Variants in LAMA1 observed in about 807,000 individuals in gnomAD.
The protein encoded by LAMA1 is laminin subunit alpha-1.
Under a neutral mutation model 348.7 loss-of-function variants are expected in LAMA1, and 219 were observed. That is an observed-to-expected ratio of 0.63 (90% confidence interval 0.56 to 0.70). The LOEUF is 0.70. Among genes scored for constraint, LAMA1 ranks in the 30% least tolerant of loss-of-function variants. The pLI is 0.00. For synonymous variants in LAMA1, 1,487 were observed against 1,491.0 expected, an observed-to-expected ratio of 1.00 and a Z score of 0.06; for missense variants, 3,744 against 3,888.0, an observed-to-expected ratio of 0.96 and a Z score of 0.99.
chr18:6,966,338 G>A, intron 48 of LAMA1, 41 bp from the exon 49 acceptor site: 1 of 1,590,366 alleles, frequency 6.3e-7, no homozygotes, highest in Non-Finnish European at 8.6e-7. Context: ...ATTCTCAGGA[G>A]GGTAGAAAGA....
intron 3 of LAMA1, among the ~76,000 whole-genome samples, chr18:7,055,856 C>T (rs979156137): frequency 1.7e-4 from 26 of 151,608 alleles, no homozygotes; most frequent in African/African-American, 5.8e-4. Flanking sequence ...CCGAGGCGGG[C>T]GGATCACGAG....
rs369870850 is a variant in LAMA1 at position 7,017,229 on chromosome 18, A to G, written c.2808+49T>C. The stretch of plus-strand genomic sequence containing the variant: ...TAGCTCCTTCTGAGTCATGGATTCA[A>G]TCGCCTCTGTACCAAGGCTAAGGTG... On this transcript the variant is annotated intron_variant, in intron 20 of 62. Coordinates refer to ENST00000389658, the MANE Select transcript of LAMA1 (RefSeq NM_005559.4). The G allele has an allele frequency of 1.3e-5, 18 of 1,437,610 alleles. No homozygotes were observed. In the African/African-American group the frequency reaches 1.8e-4, roughly 15 times the overall value. The allele number at this position is 1,437,610 out of a possible 1,614,324, so 89.1% of individuals were successfully genotyped here. A position where few individuals can be genotyped will look rare whatever the true frequency, so the allele number is the denominator to read the frequency against.
rs1369834005 is a variant in LAMA1 at position 7,009,247 on chromosome 18, C to T, written c.3993G>A (p.Gln1331=). The T allele has an allele frequency of 1.8e-5, 29 of 1,614,086 alleles. No individual in the cohort carries two copies. The highest frequency in any genetic ancestry group is 2.4e-5 in the Non-Finnish European group (28 of 1,179,984). ...CTAGAAGCTCCAAGTACCTGCTCTG[C>T]TGTAATCCTTGACCATACGATGCCT... ...LIKASYGQGL[Q]QSRISDISME... Residue 1331 remains glutamine, a synonymous_variant, in exon 27 of 63, where the codon CAG becomes CAA. Coordinates refer to ENST00000389658, the MANE Select transcript of LAMA1 (RefSeq NM_005559.4).
intron 35 of LAMA1, 121 bp downstream of exon 35, chr18:6,993,519 AG>A (rs2057767369): frequency 1.3e-6 from 1 of 790,858 alleles, no homozygotes; most frequent in East Asian, 2.5e-5. Context: ...AAACTATTCC[AG>A]CCCCTCTGGT....
At chr18:7,035,556 G>C (rs2057990776) in intron 13 of LAMA1, among the ~76,000 whole-genome samples, 1 of 151,994 alleles carries the variant, frequency 6.6e-6, no homozygotes, top group Admixed American at 6.6e-5. Context: ...CCGAGTACCT[G>C]GGATTACAGG....
chr18:7,040,281 G>T, intron 9 of LAMA1, 45 bp from the exon 10 acceptor site: 5 of 1,606,158 alleles, frequency 3.1e-6, no homozygotes, highest in Non-Finnish European at 4.3e-6. Flanking sequence ...AGGCAAAAGA[G>T]GTTTAAAGCA....
intron 16 of LAMA1, among the ~76,000 whole-genome samples, chr18:7,026,865 C>T (rs568979837): frequency 5.9e-4 from 89 of 151,728 alleles, no homozygotes; most frequent in African/African-American, 2.1e-3. Flanking sequence ...GGCTTGGTGG[C>T]GGGCGCCTGT....
At chr18:7,031,104 G>A (rs483480) in intron 16 of LAMA1, among the ~76,000 whole-genome samples, 34,230 of 152,010 alleles carry the variant, frequency 0.23, 4,341 homozygotes, top group African/African-American at 0.34. Flanking sequence ...AAGCCATCCT[G>A]GACATCATTC....
intron 8 of LAMA1, chr18:7,042,474 T>A (rs1568043373): frequency 4.0e-6 from 2 of 499,294 alleles, no homozygotes; most frequent in East Asian, 3.8e-5. Context: ...CAAAGTGTCA[T>A]CTTTTTCTAT....
intron 53 of LAMA1, 110 bp from the exon 54 acceptor site, chr18:6,959,602 C>T (rs2057597883): frequency 9.0e-7 from 1 of 1,116,236 alleles, no homozygotes; most frequent in South Asian, 1.3e-5. Flanking sequence ...GTGAGTAGAG[C>T]AATTCCTTAA....
At chr18:7,006,525 A>G (rs999387801) in intron 29 of LAMA1, among the ~76,000 whole-genome samples, 1 of 152,210 alleles carries the variant, frequency 6.6e-6, no homozygotes, top group African/African-American at 2.4e-5. Context: ...CAGTACTGCA[A>G]TTAAAAACAA....
At position 7,023,184 on chromosome 18, in the gene LAMA1, A is replaced by G; in HGVS notation, c.2681T>C (p.Val894Ala). Residue 894 changes from valine (V) to alanine (A), a missense_variant, in exon 19 of 63, where the codon GTG (valine) becomes GCG (alanine). Coordinates refer to ENST00000389658, the MANE Select transcript of LAMA1 (RefSeq NM_005559.4). Reference protein sequence around the residue: ...RCADGFYGDAVTAKNCRACEC... With the variant: ...RCADGFYGDAATAKNCRACEC... The stretch of plus-strand genomic sequence containing the variant: ...CTCACCGCGGCAGTTCTTGGCTGTC[A>G]CAGCGTCCCCATAGAACCCGTCAGC... 6.2e-7 allele frequency: 1 copy of G among 1,612,870 alleles called. No homozygotes were observed. Among genetic ancestry groups the G allele is most frequent in the Non-Finnish European group, 8.5e-7 (1 of 1,179,874 alleles).
intron 61 of LAMA1, 90 bp from the exon 62 acceptor site, chr18:6,943,492 A>C (rs926319312): frequency 1.0e-5 from 11 of 1,083,478 alleles, no homozygotes; most frequent in Non-Finnish European, 1.4e-5. Context: ...TTGCAGCATT[A>C]TGTTTAAAAG....
chr18:6,991,621 C>A (rs2057759195), intron 36 of LAMA1, among the ~76,000 whole-genome samples: 1 of 151,944 alleles, frequency 6.6e-6, no homozygotes, highest in African/African-American at 2.4e-5. Flanking sequence ...AACTCCTGAT[C>A]CCAGATGATC....
intron 1 of LAMA1, among the ~76,000 whole-genome samples, chr18:7,110,736 C>T (rs1040630113): frequency 3.9e-5 from 6 of 152,060 alleles, no homozygotes; most frequent in East Asian, 3.9e-4. Flanking sequence ...GCAGGAGAAT[C>T]GCTTGAACTG....
rs2057688432 is a variant in LAMA1 at position 6,977,667 on chromosome 18, T to C, written c.6345+60A>G. 5.6e-6 allele frequency: 9 copies of C among 1,603,618 alleles called. No individual in the cohort carries two copies. The Admixed American group carries it at 8.4e-5, about 15-fold the overall frequency. On this transcript the variant is annotated intron_variant, in intron 44 of 62. Transcript: ENST00000389658. Reference sequence around the variant, plus strand: ...GACTGAGGGCCATGTCTGCATGAATTCCCTGGGACCCCACATGACTGAGAG... The same window carrying C: ...GACTGAGGGCCATGTCTGCATGAATCCCCTGGGACCCCACATGACTGAGAG...
At chr18:7,024,185 A>G (rs2057932013) in intron 18 of LAMA1, among the ~76,000 whole-genome samples, 195 bp downstream of exon 18, 1 of 152,148 alleles carries the variant, frequency 6.6e-6, no homozygotes, top group African/African-American at 2.4e-5. Flanking sequence ...GGAAAAGAGT[A>G]CCGTTCTTTA....
chr18:7,064,164 T>G (rs2058113287), intron 3 of LAMA1, among the ~76,000 whole-genome samples: 3 of 151,950 alleles, frequency 2.0e-5, no homozygotes, highest in South Asian at 4.1e-4. Flanking sequence ...GATTTTTTTT[T>G]GTTTATTTTG....
chr18:7,097,865 CG>C (rs919022618), intron 1 of LAMA1, among the ~76,000 whole-genome samples: 18 of 151,172 alleles, frequency 1.2e-4, no homozygotes, highest in African/African-American at 4.1e-4. Flanking sequence ...CCTCTCCCCA[CG>C]GTCTCCCTCT....
Sources: allele counts gnomAD v4.1 joint callset (sites outside exome capture counted in the v4.1 genomes callset), GRCh38; gene constraint gnomAD v4.1.1; transcripts MANE v1.5; gene names NCBI Gene and HGNC (gene_info 2026-07-23, HGNC 2026-07-21).